The following HELZ variants were observed in gnomAD, a reference collection of about 807,000 sequenced individuals.
HELZ encodes ATP-dependent RNA helicase with zinc finger domain.
A neutral mutation model predicts 218.2 loss-of-function variants in HELZ; 23 were observed. The observed-to-expected ratio is 0.11, with a 90% CI of 0.08 to 0.15. HELZ has a LOEUF of 0.15. Among genes scored for constraint, HELZ ranks in the 10% least tolerant of loss-of-function variants. The pLI is 1.00. For missense variants in HELZ, 1,813 were observed against 2,353.7 expected (o/e 0.77, Z 4.75); for synonymous variants, 814 against 829.4 (o/e 0.98, Z 0.32).
rs2144280340 is a variant in HELZ, at chr17:67,188,218, C to T, written c.1162+101G>A. On this transcript the variant is annotated intron_variant, in intron 12 of 32. Coordinates refer to ENST00000358691, the MANE Select transcript of HELZ (RefSeq NM_014877.4). This position sits in a 1 kb window ranked among gnomAD's most constrained non-coding sequence, Gnocchi z 4.1. ...TAAGTTGGGATTTTTTTCTTTATTACTATTCTCTTCCTATCCATGGAATAT... is the reference window on the plus strand; with the variant it reads ...TAAGTTGGGATTTTTTTCTTTATTATTATTCTCTTCCTATCCATGGAATAT... 8.9e-7 allele frequency: 1 copy of T among 1,128,116 alleles called. No individual in the cohort carries two copies. The highest frequency in any genetic ancestry group is 2.3e-5 in the Admixed American group (1 of 43,388). The allele number at this position is 1,128,116 out of a possible 1,614,324, so 69.9% of individuals were successfully genotyped here.
Position 67,160,984 on chromosome 17 carries a change from G to A in HELZ, c.1988C>T (p.Pro663Leu). 1 of 1,613,854 alleles carries A rather than the reference G, an allele frequency of 6.2e-7. No individual in the cohort carries two copies. Among genetic ancestry groups the A allele is most frequent in the Non-Finnish European group, 8.5e-7 (1 of 1,179,852 alleles). ...ITTPLAIQLP[P>L]VLIIGPYGTG... ...CCCATAGGGTCCGATGATAAGCACA[G>A]GCGGCAGCTGGATTGCAAGTGGAGT... Residue 663 changes from proline (P) to leucine (L), a missense_variant, in exon 16 of 33, where the codon CCT becomes CTT. Transcript: ENST00000358691.
intron 22 of HELZ, 90 bp from the exon 23 acceptor site, chr17:67,136,288 G>T: frequency 1.2e-6 from 1 of 848,544 alleles, no homozygotes; most frequent in Non-Finnish European, 1.8e-6. Context: ...AAATGTTATT[G>T]CTAAATAACA....
At chr17:67,182,751 A>G (rs183625944) in intron 12 of HELZ, among the ~76,000 whole-genome samples, 1 of 152,332 alleles carries the variant, frequency 6.6e-6, no homozygotes, top group Non-Finnish European at 1.5e-5. Flanking sequence ...TAACTACTCT[A>G]ACACAAGATA....
chr17:67,222,609 G>A (rs1363200429), intron 3 of HELZ, among the ~76,000 whole-genome samples: 1 of 152,174 alleles, frequency 6.6e-6, no homozygotes, highest in East Asian at 1.9e-4. Context: ...TAGCTGTAGT[G>A]TGGAACTCAA....
intron 13 of HELZ, among the ~76,000 whole-genome samples, chr17:67,174,279 T>C (rs992867558): frequency 2.0e-5 from 3 of 152,028 alleles, no homozygotes; most frequent in Admixed American, 6.6e-5. Context: ...GAGCCTTTTT[T>C]CAATCTACTT....
At chr17:67,130,851 G>A (rs1318037836) in intron 23 of HELZ, among the ~76,000 whole-genome samples, 1 of 152,174 alleles carries the variant, frequency 6.6e-6, no homozygotes, top group Non-Finnish European at 1.5e-5. Flanking sequence ...AAACGCTAAG[G>A]AAAGAATGGA....
intron 32 of HELZ, 21 bp from the exon 33 acceptor site, chr17:67,078,607 C>A (rs748553184): frequency 6.9e-7 from 1 of 1,449,158 alleles, no homozygotes; most frequent in South Asian, 1.6e-5. Context: ...AGAACAGTGA[C>A]ACAGATTTAA....
chr17:67,151,093 A>G lies in HELZ; in HGVS notation c.2309T>C (p.Val770Ala). Residue 770 changes from valine to alanine, a missense_variant, in exon 18 of 33, where the codon GTT becomes GCT. Physicochemically the swap from Val to Ala is moderately conservative, Grantham distance 64. Transcript: ENST00000358691. ...GAGGTACTGGGAAGTATTCAAGGTA[A>G]CAACCACCACTCGATGTTTAAGAAT... ...EDILKHRVVV[V>A]TLNTSQYLCQ... The G allele has an allele frequency of 6.2e-7, 1 of 1,614,026 alleles. No homozygotes were observed. The highest frequency in any genetic ancestry group is 8.5e-7 in the Non-Finnish European group (1 of 1,179,900).
chr17:67,188,593 T>C lies in HELZ; in HGVS notation c.888A>G (p.Val296=), dbSNP rs370697131. ...GACGATGAGCATCATAAAGCAATGC[T>C]ACACGATACAGCATTCTTGCAGGCT... ...TCKPARMLYR[V]ALLYDAHRPH... is the part of the protein sequence containing the mutation. Residue 296 remains valine, a synonymous_variant, in exon 12 of 33, where the codon GTA becomes GTG. Coordinates refer to ENST00000358691, the MANE Select transcript of HELZ (RefSeq NM_014877.4). The surrounding 1 kb of genome is among the most constrained non-coding windows in gnomAD (Gnocchi z 4.1). 5.5e-5 allele frequency: 88 copies of C among 1,613,406 alleles called. No individual in the cohort carries two copies. The Middle Eastern group carries it at 6.6e-4, about 12-fold the overall frequency.
chr17:67,110,653 C>T (rs1469784331), intron 28 of HELZ, among the ~76,000 whole-genome samples: 1 of 152,134 alleles, frequency 6.6e-6, no homozygotes, highest in Non-Finnish European at 1.5e-5. Flanking sequence ...ATACCATGCC[C>T]CCACTCCAAT....
rs1219514081 is a variant in HELZ at position 67,161,009 on chromosome 17, T to C, written c.1963A>G (p.Thr655Ala). 1.4e-5 allele frequency: 23 copies of C among 1,613,690 alleles called. No individual in the cohort carries two copies. Among genetic ancestry groups the C allele is most frequent in the Non-Finnish European group, 1.9e-5 (22 of 1,179,810 alleles). Reference sequence around the variant, plus strand: ...GGCGGCAGCTGGATTGCAAGTGGAGTGGTAATGGCCAGAACAGCCTCTTTC... The same window carrying C: ...GGCGGCAGCTGGATTGCAAGTGGAGCGGTAATGGCCAGAACAGCCTCTTTC... ...KQKEAVLAITTPLAIQLPPVL... is the reference protein window; with the variant it reads ...KQKEAVLAITAPLAIQLPPVL... The change falls in exon 16 of 33, where the codon ACT becomes GCT. Residue 655 changes from threonine to alanine, a missense_variant. Thr to Ala is a moderately conservative substitution (Grantham distance 58). Around this residue, in one of 4 missense-constraint regions of HELZ, gnomAD observed 714 missense variants for 1,029.2 expected, o/e 0.69. Transcript: ENST00000358691.
chr17:67,109,758 C>G, intron 28 of HELZ, 72 bp from the exon 29 acceptor site: 1 of 1,070,418 alleles, frequency 9.3e-7, no homozygotes, highest in South Asian at 1.5e-5. Flanking sequence ...TTTTCCCAAC[C>G]CTAACACATC....
chr17:67,172,685 G>A (rs1414108614), intron 13 of HELZ, among the ~76,000 whole-genome samples: 2 of 152,116 alleles, frequency 1.3e-5, no homozygotes, highest in Non-Finnish European at 2.9e-5. Flanking sequence ...TTAGCTCACT[G>A]CAGCCTTGAC....
rs368755245 is a variant in HELZ, at chr17:67,149,972, G to A, written c.2370C>T (p.His790=). Residue 790 remains histidine (H), a synonymous_variant, in exon 19 of 33, where the codon CAC becomes CAT. Transcript: ENST00000358691. ...CCTGGGCAGCTTCATCTAATAGAAT[G>A]TGTGTAAAAAACCCTAGAAAATGCA... ...QLDLEPGFFT[H]ILLDEAAQAM... The A allele has an allele frequency of 1.9e-6, 3 of 1,607,966 alleles. No homozygotes were observed. The highest frequency in any genetic ancestry group is 1.7e-5 in the Admixed American group (1 of 59,446).
intron 31 of HELZ, among the ~76,000 whole-genome samples, chr17:67,094,480 T>C (rs1025482408): frequency 2.0e-5 from 3 of 152,168 alleles, no homozygotes; most frequent in East Asian, 1.9e-4. Flanking sequence ...CTTGGAGATA[T>C]TGCAGGTTTG....
intron 31 of HELZ, among the ~76,000 whole-genome samples, chr17:67,092,742 G>C (rs2036608615): frequency 6.6e-6 from 1 of 152,192 alleles, no homozygotes; most frequent in African/African-American, 2.4e-5. Context: ...GAGGTGGGTG[G>C]ATCACCTGAG....
In HELZ at chr17:67,151,099, A is replaced by G. The variant is rs2038668266; in HGVS notation, c.2303T>C (p.Val768Ala). The G allele has an allele frequency of 6.2e-7, 1 of 1,613,926 alleles. No individual in the cohort carries two copies. ...QKEDILKHRV[V>A]VVTLNTSQYL... ...CTGGGAAGTATTCAAGGTAACAACC[A>G]CCACTCGATGTTTAAGAATATCTTC... The change falls in exon 18 of 33, where the codon GTG (valine) becomes GCG (alanine). Residue 768 changes from valine to alanine, a missense_variant. By Grantham distance (64) the Val-to-Ala change is moderately conservative. Coordinates refer to ENST00000358691, the MANE Select transcript of HELZ (RefSeq NM_014877.4).
chr17:67,126,881 T>C (rs535340411), intron 24 of HELZ, among the ~76,000 whole-genome samples: 1 of 150,488 alleles, frequency 6.6e-6, no homozygotes, highest in East Asian at 1.9e-4. Context: ...ATAGTAATAA[T>C]AATGTAGCAC....
chr17:67,200,198 T>G (rs1488163461), intron 7 of HELZ, among the ~76,000 whole-genome samples: 1 of 152,178 alleles, frequency 6.6e-6, no homozygotes, highest in South Asian at 2.1e-4. Flanking sequence ...TGGCTATTTT[T>G]TAAATAGGAC....
Sources: gnomAD v4.1 joint callset for allele counts (sites outside exome capture counted in the v4.1 genomes callset) on GRCh38, gnomAD v4.1.1 for gene constraint, gnomAD v4.1.1 regional missense constraint, Gnocchi (gnomAD v3.1) non-coding constraint, MANE v1.5 for transcripts, NCBI Gene and HGNC (gene_info 2026-07-23, HGNC 2026-07-21) for gene names.